Variants in LRRIQ3 observed in about 807,000 individuals in gnomAD.
LRRIQ3 encodes leucine rich repeats and IQ motif containing 3.
Under a neutral mutation model 59.3 loss-of-function variants are expected in LRRIQ3, and 75 were observed. That is an observed-to-expected ratio of 1.26 (90% CI 1.05 to 1.53). The LOEUF is 1.53. LRRIQ3 is among the 40% of genes most tolerant of loss of function. The probability of loss-of-function intolerance (pLI) is 0.00; values close to 1 mark genes in which losing one functional copy is unlikely to be tolerated. For synonymous variants in LRRIQ3, 250 were observed against 231.3 expected (o/e 1.08, Z -0.73); for missense variants, 831 against 710.0 (o/e 1.17, Z -1.94).
At chr1:74,098,583 C>A (rs1467858106) in intron 5 of LRRIQ3, among the ~76,000 whole-genome samples, 1 of 152,134 alleles carries the variant, frequency 6.6e-6, no homozygotes, top group African/African-American at 2.4e-5. Flanking sequence ...CTCTCCACCC[C>A]AGATCAACAG....
chr1:74,134,902 T>C (rs1254905209), intron 4 of LRRIQ3, among the ~76,000 whole-genome samples: 1 of 151,956 alleles, frequency 6.6e-6, no homozygotes, highest in African/African-American at 2.4e-5. Flanking sequence ...GCTATATAAA[T>C]AATAATTTTA....
At chr1:74,076,119 T>G (rs1242699029) in intron 5 of LRRIQ3, among the ~76,000 whole-genome samples, 1 of 152,114 alleles carries the variant, frequency 6.6e-6, no homozygotes, top group Non-Finnish European at 1.5e-5. Context: ...AGGCAACCAA[T>G]AGTCCATCAG....
intron 4 of LRRIQ3, among the ~76,000 whole-genome samples, chr1:74,137,168 A>T (rs1343215083): frequency 1.3e-5 from 2 of 151,866 alleles, no homozygotes; most frequent in South Asian, 2.1e-4. Context: ...TCCTCTTTAA[A>T]TTTTTTTAAA....
chr1:74,099,789 GA>G (rs1397189083), intron 5 of LRRIQ3, among the ~76,000 whole-genome samples: 5 of 152,218 alleles, frequency 3.3e-5, no homozygotes, highest in African/African-American at 1.2e-4. Context: ...CATATAAACA[GA>G]ACCAAAGACA....
chr1:74,192,835 T>G (rs1184620636), intron 1 of LRRIQ3, among the ~76,000 whole-genome samples: 2 of 152,174 alleles, frequency 1.3e-5, no homozygotes, highest in African/African-American at 2.4e-5. Context: ...ACATATTCTG[T>G]CGAACTTTCC....
intron 4 of LRRIQ3, among the ~76,000 whole-genome samples, chr1:74,145,309 A>G (rs140605781): frequency 6.6e-6 from 1 of 152,168 alleles, no homozygotes; most frequent in Non-Finnish European, 1.5e-5. Context: ...GGAGACAAGT[A>G]GCCAATAGTA....
intron 3 of LRRIQ3, chr1:74,180,480 C>G: frequency 2.4e-6 from 1 of 422,970 alleles, no homozygotes; most frequent in Non-Finnish European, 4.2e-6. Flanking sequence ...AATATCCTGC[C>G]TCAAAGAAGT....
chr1:74,154,930 T>C (rs1028689541), intron 4 of LRRIQ3, among the ~76,000 whole-genome samples: 19 of 152,204 alleles, frequency 1.2e-4, no homozygotes, highest in African/African-American at 4.6e-4. Flanking sequence ...TACTTGTTTC[T>C]CTTTATCAGG....
intron 4 of LRRIQ3, among the ~76,000 whole-genome samples, chr1:74,112,331 C>T (rs1646707924): frequency 6.6e-6 from 1 of 152,006 alleles, no homozygotes; most frequent in South Asian, 2.1e-4. Flanking sequence ...CTGTTAAAGA[C>T]AGTAGAGATT....
At chr1:74,127,283 G>GT (rs959382992) in intron 4 of LRRIQ3, among the ~76,000 whole-genome samples, 3 of 151,788 alleles carry the variant, frequency 2.0e-5, no homozygotes, top group African/African-American at 7.2e-5. Flanking sequence ...ATTGAGTCTT[G>GT]TTTTTTCATC....
intron 6 of LRRIQ3, among the ~76,000 whole-genome samples, chr1:74,052,087 A>T (rs999240384): frequency 6.6e-6 from 1 of 152,064 alleles, no homozygotes; most frequent in Non-Finnish European, 1.5e-5. Flanking sequence ...ATGACGCTTC[A>T]ATCTTTTTTT....
chr1:74,144,645 A>G (rs1037268091), intron 4 of LRRIQ3: 7 of 198,642 alleles, frequency 3.5e-5, no homozygotes, highest in African/African-American at 9.6e-5. Flanking sequence ...CTTTTTCTAT[A>G]TAAAGCTAAT....
chr1:74,105,137 T>G (rs1270207067), intron 5 of LRRIQ3, among the ~76,000 whole-genome samples: 1 of 152,034 alleles, frequency 6.6e-6, no homozygotes, highest in East Asian at 1.9e-4. Context: ...TAAAAAGATG[T>G]ATAAACCTTT....
intron 4 of LRRIQ3, among the ~76,000 whole-genome samples, chr1:74,134,026 G>A (rs1362668478): frequency 1.3e-5 from 2 of 151,560 alleles, no homozygotes; most frequent in East Asian, 3.9e-4. Context: ...AGTATTTTTT[G>A]ATTCCCAGGA....
At chr1:74,063,665 GT>G (rs1261515655) in intron 6 of LRRIQ3, among the ~76,000 whole-genome samples, 1 of 151,898 alleles carries the variant, frequency 6.6e-6, no homozygotes, top group African/African-American at 2.4e-5. Flanking sequence ...TAGCAACACT[GT>G]TTTTTCATTT....
Position 74,182,706 on chromosome 1 carries a change from G to A in LRRIQ3, c.405C>T (p.Ser135=). The stretch of plus-strand genomic sequence containing the variant: ...GAACATGTCTATATCCTTTTTTAAG[G>A]CTTACTGGACAATCAAACATAGTGA... The part of the protein sequence containing the change: ...IALTMFDCPV[S]LKKGYRHVLV... Residue 135 remains serine (S), a synonymous_variant, in exon 3 of 8, where the codon AGC becomes AGT. Transcript: ENST00000354431. 1 of 1,612,534 alleles carries A rather than the reference G, an allele frequency of 6.2e-7. No homozygotes were observed. The highest frequency in any genetic ancestry group is 1.1e-5 in the South Asian group (1 of 91,000).
intron 3 of LRRIQ3, among the ~76,000 whole-genome samples, chr1:74,165,000 A>G (rs1320018769): frequency 1.3e-5 from 2 of 151,406 alleles, no homozygotes; most frequent in Non-Finnish European, 3.0e-5. Context: ...TTTAGGTTTT[A>G]TTTTCTGTTC....
chr1:74,170,263 CAAG>C (rs1023979418), intron 3 of LRRIQ3, among the ~76,000 whole-genome samples: 1 of 152,110 alleles, frequency 6.6e-6, no homozygotes, highest in African/African-American at 2.4e-5. Context: ...AGACCGATGT[CAAG>C]AAGGTTTTCC....
chr1:74,158,942 G>A (rs1372311975), intron 3 of LRRIQ3, among the ~76,000 whole-genome samples: 1 of 151,880 alleles, frequency 6.6e-6, no homozygotes, highest in Non-Finnish European at 1.5e-5. Flanking sequence ...CTGAACTTTG[G>A]CCCACCATCA....
Sources: allele counts gnomAD v4.1 joint callset (sites outside exome capture counted in the v4.1 genomes callset), GRCh38; gene constraint gnomAD v4.1.1; transcripts MANE v1.5; gene names NCBI Gene and HGNC (gene_info 2026-07-23, HGNC 2026-07-21).